Variants in SELP observed in about 807,000 individuals in gnomAD.
The protein encoded by SELP is P-selectin.
A neutral mutation model predicts 104.1 loss-of-function variants in SELP; 92 were observed. The ratio of observed to expected loss-of-function variants is 0.88; its 90% CI spans 0.75 to 1.05. The LOEUF (loss-of-function observed/expected upper bound fraction) is 1.05. SELP is among the 50% of genes least tolerant of loss of function. SELP has a pLI of 0.00. For missense variants in SELP, 1,022 were observed against 1,017.3 expected (o/e 1.00, Z -0.06); for synonymous variants, 397 against 364.5 (o/e 1.09, Z -1.01).
rs1315379839 is a variant in SELP, at chr1:169,612,361, T to C, written c.817A>G (p.Met273Val). ...PPLKIPERGN[M>V]TCLHSAKAFQ... ...GCTTTTGCAGAATGAAGGCAGGTCA[T>C]GTTTCCTCGTTCAGGAATCTTCAGG... Residue 273 changes from methionine to valine, a missense_variant, in exon 6 of 17, where the codon ATG (methionine) becomes GTG (valine). Transcript: ENST00000263686. The C allele has an allele frequency of 2.5e-6, 4 of 1,614,008 alleles. No homozygotes were observed. Among genetic ancestry groups the C allele is most frequent in the Non-Finnish European group, 3.4e-6 (4 of 1,179,998 alleles).
intron 3 of SELP, among the ~76,000 whole-genome samples, chr1:169,616,381 G>A: frequency 6.6e-6 from 1 of 152,130 alleles, no homozygotes; most frequent in Non-Finnish European, 1.5e-5. Context: ...TGTGAAACTG[G>A]CTCCACCATC....
chr1:169,616,619 C>A (rs770478937), intron 3 of SELP, among the ~76,000 whole-genome samples: 1 of 152,148 alleles, frequency 6.6e-6, no homozygotes, highest in Non-Finnish European at 1.5e-5. Context: ...AGGGGCAGGG[C>A]TAAATTTCCT....
At chr1:169,623,269 A>G (rs1158804130) in intron 1 of SELP, among the ~76,000 whole-genome samples, 1 of 152,176 alleles carries the variant, frequency 6.6e-6, no homozygotes, top group East Asian at 1.9e-4. Flanking sequence ...TTCTCCCTGA[A>G]CAGAGTATTT....
chr1:169,604,239 T>G (rs1662068217), intron 9 of SELP, among the ~76,000 whole-genome samples: 1 of 152,170 alleles, frequency 6.6e-6, no homozygotes, highest in South Asian at 2.1e-4. Context: ...TTTGGCTGCA[T>G]AAATGTCTTC....
rs758971828 is a variant in SELP, at chr1:169,597,011, G to A, written c.1871C>T (p.Ala624Val). 6.2e-7 allele frequency: 1 copy of A among 1,612,304 alleles called. No individual in the cohort carries two copies. Among genetic ancestry groups the A allele is most frequent in the Non-Finnish European group, 8.5e-7 (1 of 1,179,066 alleles). Residue 624 changes from alanine to valine, a missense_variant, in exon 11 of 17, where the codon GCT becomes GTT. By Grantham distance (64) the Ala-to-Val change is moderately conservative. Coordinates refer to ENST00000263686, the MANE Select transcript of SELP (RefSeq NM_003005.4). Reference protein sequence around the residue: ...VECTTSGRWSATPPTCKGIAS... With the variant: ...VECTTSGRWSVTPPTCKGIAS... The stretch of plus-strand genomic sequence containing the variant: ...ATTACCTTTGCAGGTTGGTGGAGTA[G>A]CTGACCATCTTCCAGAAGTTGTGCA...
Position 169,612,990 on chromosome 1 carries a change from C to A in SELP, c.714G>T (p.Gly238=). The A allele has an allele frequency of 1.2e-6, 2 of 1,613,772 alleles. No homozygotes were observed. The highest frequency in any genetic ancestry group is 1.3e-5 in the African/African-American group (1 of 75,042). The change falls in exon 5 of 17, where the codon GGG becomes GGT. Residue 238 remains glycine, a synonymous_variant. Transcript: ENST00000263686. ...FHCTDGYQVN[G]PSKLECLASG... ...AAGCCAAGCATTCCAGCTTGCTGGG[C>A]CCATTTACTTGGTACCCGTCAGTGC...
At chr1:169,603,664 G>A (rs1246159317) in intron 9 of SELP, among the ~76,000 whole-genome samples, 2 of 152,120 alleles carry the variant, frequency 1.3e-5, no homozygotes, top group East Asian at 1.9e-4. Flanking sequence ...CACAGAAATG[G>A]AGGAAAATAC....
chr1:169,592,892 C>T (rs1359566468), intron 14 of SELP, among the ~76,000 whole-genome samples: 3 of 152,194 alleles, frequency 2.0e-5, no homozygotes, highest in African/African-American at 7.2e-5. Flanking sequence ...ATACCATCTT[C>T]TCATTGATTT....
At chr1:169,597,730 G>A (rs1557948680) in intron 10 of SELP, among the ~76,000 whole-genome samples, 1 of 152,112 alleles carries the variant, frequency 6.6e-6, no homozygotes, top group South Asian at 2.1e-4. Context: ...GATAACACAG[G>A]AAAACTCAAA....
Position 169,590,129 on chromosome 1 carries a change from T to C in SELP, c.*1+18A>G. ...TAGTGTTCTATTTCCTTCAAAAATATCTTTATAGGGATCTTACCTTAAGGA... is the reference window on the plus strand; with the variant it reads ...TAGTGTTCTATTTCCTTCAAAAATACCTTTATAGGGATCTTACCTTAAGGA... On this transcript the variant is annotated intron_variant, in intron 16 of 16. Transcript: ENST00000263686. The C allele has an allele frequency of 4.5e-6, 7 of 1,571,682 alleles. No individual in the cohort carries two copies. Among genetic ancestry groups the C allele is most frequent in the African/African-American group, 1.3e-5 (1 of 74,074 alleles).
In SELP at chr1:169,590,303, C is replaced by T. The variant is rs1026199420; in HGVS notation, c.2439-101G>A. On this transcript the variant is annotated intron_variant, in intron 15 of 16. Coordinates refer to ENST00000263686, the MANE Select transcript of SELP (RefSeq NM_003005.4). ...CCAGAAACCACAAATTACCATCCAC[C>T]CTTGGAATTCTGCTTTAGAAAGGAA... is the stretch of plus-strand genomic sequence containing the variant. 3.3e-5 allele frequency: 27 copies of T among 823,424 alleles called. No homozygotes were observed. In the African/African-American group the frequency reaches 3.6e-4, roughly 11 times the overall value. 51.0% of individuals were successfully genotyped at this position (823,424 alleles called of 1,614,324 possible).
rs370170906 is a variant in SELP at position 169,597,067 on chromosome 1, G to T, written c.1815C>A (p.Gly605=). ...CATTATTGGGCCCCTCCAGCTTAAA[G>T]CCGTTGTCACAAGAGAAATGGCAGG... ...GSTCHFSCDN[G]FKLEGPNNVE... Residue 605 remains glycine, a synonymous_variant, in exon 11 of 17, where the codon GGC becomes GGA. Transcript: ENST00000263686. 4.3e-6 allele frequency: 7 copies of T among 1,613,284 alleles called. No individual in the cohort carries two copies. The African/African-American group carries it at 9.4e-5, about 22-fold the overall frequency.
At chr1:169,611,710 T>A in intron 6 of SELP, 33 bp from the exon 7 acceptor site, 1 of 1,592,252 alleles carries the variant, frequency 6.3e-7, no homozygotes, top group Non-Finnish European at 8.5e-7. Context: ...AAGAGAAAGA[T>A]ACTGAGAAAG....
At chr1:169,590,302 C>T (rs1661291511) in intron 15 of SELP, 100 bp from the exon 16 acceptor site, 3 of 844,732 alleles carry the variant, frequency 3.6e-6, no homozygotes, top group Non-Finnish European at 3.9e-6. Context: ...TTACCATCCA[C>T]CCTTGGAATT....
chr1:169,622,714 A>G (rs1160475491), intron 1 of SELP, among the ~76,000 whole-genome samples: 1 of 152,236 alleles, frequency 6.6e-6, no homozygotes, highest in Non-Finnish European at 1.5e-5. Context: ...ACAGTTGTAG[A>G]AAATTGAAAT....
At chr1:169,614,234 T>C (rs1319148549) in intron 3 of SELP, among the ~76,000 whole-genome samples, 2 of 152,344 alleles carry the variant, frequency 1.3e-5, no homozygotes, top group East Asian at 3.9e-4. Flanking sequence ...GCTTCAAATC[T>C]ATGTCCAGAA....
chr1:169,624,941 G>T (rs903210111), intron 1 of SELP, among the ~76,000 whole-genome samples: 1 of 152,200 alleles, frequency 6.6e-6, no homozygotes, highest in Non-Finnish European at 1.5e-5. Flanking sequence ...AGGAGATCTT[G>T]TTCTTTTTGT....
intron 3 of SELP, among the ~76,000 whole-genome samples, chr1:169,616,491 T>G (rs1424865749): frequency 6.6e-6 from 1 of 152,248 alleles, no homozygotes; most frequent in African/African-American, 2.4e-5. Context: ...GGAGTTGTCA[T>G]GAGGACTAAA....
At chr1:169,595,240 G>A (rs1661546011) in intron 12 of SELP, among the ~76,000 whole-genome samples, 1 of 152,168 alleles carries the variant, frequency 6.6e-6, no homozygotes, top group Admixed American at 6.5e-5. Context: ...ATGTCAGTAT[G>A]TGTTTATTGA....
Sources: gnomAD v4.1 joint callset for allele counts (sites outside exome capture counted in the v4.1 genomes callset) on GRCh38, gnomAD v4.1.1 for gene constraint, MANE v1.5 for transcripts, NCBI Gene and HGNC (gene_info 2026-07-23, HGNC 2026-07-21) for gene names.